C2orf74: variants seen among roughly 807,000 people sequenced by gnomAD.
C2orf74 encodes DPM1 ER membrane anchor 1, also known as uncharacterized protein C2orf74.
In C2orf74, 14 loss-of-function variants were observed where a neutral mutation model predicts 17.9. The ratio of observed to expected loss-of-function variants is 0.78; its 90% CI spans 0.52 to 1.22. C2orf74 has a LOEUF of 1.22. C2orf74 is among the 50% of genes most tolerant of loss of function. The pLI is 0.00. For synonymous variants in C2orf74, 79 were observed against 72.6 expected, an observed-to-expected ratio of 1.09 and a Z score of -0.44; for missense variants, 217 against 218.4, an observed-to-expected ratio of 0.99 and a Z score of 0.04.
At chr2:61,158,688 A>C (rs548454861), upstream of C2orf74, among the ~76,000 whole-genome samples, 46 of 152,252 alleles carry the variant, frequency 3.0e-4, no homozygotes, top group Admixed American at 1.1e-3. Context: ...GGAAGGCGGA[A>C]AATCAGGAAG....
In C2orf74 at chr2:61,164,388, C is replaced by T. The variant is rs1685665084; in HGVS notation, c.425C>T (p.Thr142Ile). The T allele has an allele frequency of 6.5e-7, 1 of 1,549,574 alleles. No individual in the cohort carries two copies. Among genetic ancestry groups the T allele is most frequent in the African/African-American group, 1.4e-5 (1 of 72,852 alleles). The change falls in exon 5 of 5, where the codon ACT becomes ATT. Residue 142 changes from threonine to isoleucine, a missense_variant. Physicochemically the swap from Thr to Ile is moderately conservative, Grantham distance 89. Coordinates refer to ENST00000432605, the MANE Select transcript of C2orf74 (RefSeq NM_001143959.4). ...DGLQKIHTSVTRTPSVVESQK... is the reference protein window; with the variant it reads ...DGLQKIHTSVIRTPSVVESQK... ...TTGCAGAAAATACACACATCTGTCA[C>T]TAGAACTCCTTCAGTTGTTGAAAGC... is the stretch of plus-strand genomic sequence containing the variant.
chr2:61,151,314 T>C (rs1460485485), intron 1 of C2orf74: 3 of 78,626 alleles, frequency 3.8e-5, no homozygotes, highest in African/African-American at 5.5e-5. Flanking sequence ...AGACTCCGTC[T>C]CAAAAAAAAA....
chr2:61,160,452 G>T (rs184688114), upstream of C2orf74, among the ~76,000 whole-genome samples: 1 of 150,298 alleles, frequency 6.7e-6, no homozygotes, highest in Non-Finnish European at 1.5e-5. Flanking sequence ...GAGCCACTGC[G>T]CCCAGCCCGG....
At chr2:61,148,123 A>G (rs1385522082) in intron 1 of C2orf74, among the ~76,000 whole-genome samples, 1 of 147,624 alleles carries the variant, frequency 6.8e-6, no homozygotes, top group Non-Finnish European at 1.5e-5. Context: ...TATATATTTA[A>G]ATATATGTAT....
chr2:61,163,105 T>G lies in C2orf74; in HGVS notation c.263T>G (p.Val88Gly). ...GTGCCGATGAGGCCTGGCATTCTTG[T>G]CCAGAGACAGAGTAAGGAAGTGTTG... Reference protein sequence around the residue: ...LNVPMRPGILVQRQSKEVLAT... With the variant: ...LNVPMRPGILGQRQSKEVLAT... Residue 88 changes from valine (V) to glycine (G), a missense_variant, in exon 4 of 5, where the codon GTC becomes GGC. Coordinates refer to ENST00000432605, the MANE Select transcript of C2orf74 (RefSeq NM_001143959.4). The G allele has an allele frequency of 3.9e-6, 6 of 1,552,142 alleles. No homozygotes were observed. The South Asian group carries it at 7.1e-5, about 18-fold the overall frequency.
intron 1 of C2orf74, among the ~76,000 whole-genome samples, chr2:61,146,513 C>G (rs1685073635): frequency 6.6e-6 from 1 of 152,082 alleles, no homozygotes; most frequent in African/African-American, 2.4e-5. Context: ...ACTACAATAA[C>G]TTTTTTTAAA....
Position 61,164,401 on chromosome 2 carries a change from A to G in C2orf74, c.438A>G (p.Ser146=). 4 of 1,550,584 alleles carry G rather than the reference A, an allele frequency of 2.6e-6. No homozygotes were observed. The South Asian group carries it at 4.8e-5, about 19-fold the overall frequency. Residue 146 remains serine, a synonymous_variant, in exon 5 of 5, where the codon TCA becomes TCG. Transcript: ENST00000432605. ...ACACATCTGTCACTAGAACTCCTTC[A>G]GTTGTTGAAAGCCAAAAAAGACCTT... The part of the protein sequence containing the change: ...KIHTSVTRTP[S]VVESQKRPLK...
intron 1 of C2orf74, among the ~76,000 whole-genome samples, chr2:61,146,747 T>G (rs1001902788): frequency 1.3e-5 from 2 of 151,888 alleles, no homozygotes; most frequent in African/African-American, 4.8e-5. Flanking sequence ...GGCAGGAGAA[T>G]TGAATCGCTT....
At chr2:61,162,148 G>A (rs1208730768), upstream of C2orf74, 12 of 224,440 alleles carry the variant, frequency 5.3e-5, no homozygotes, top group Admixed American at 5.7e-4. Context: ...TGTCACTGAC[G>A]AGAGAAGAAT....
At chr2:61,159,911 C>G (rs1685511236), upstream of C2orf74, among the ~76,000 whole-genome samples, 1 of 152,232 alleles carries the variant, frequency 6.6e-6, no homozygotes, top group African/African-American at 2.4e-5. Context: ...ACCATCACCA[C>G]TGTCTGCCTC....
rs1685680266 is a variant in C2orf74, at chr2:61,164,772, A to G, written c.*245A>G. 2 of 323,526 alleles carry G rather than the reference A, an allele frequency of 6.2e-6. No homozygotes were observed. The highest frequency in any genetic ancestry group is 4.8e-5 in the Admixed American group (1 of 20,934). 20.0% of individuals were successfully genotyped at this position (323,526 alleles called of 1,614,324 possible). Reference sequence around the variant, plus strand: ...AGAAATTGATTGTATTGCCCTTAAAACTATCTACTCAAACACTGTTCTGGC... The same window carrying G: ...AGAAATTGATTGTATTGCCCTTAAAGCTATCTACTCAAACACTGTTCTGGC... On this transcript the variant is annotated 3_prime_UTR_variant, in exon 5 of 5. Transcript: ENST00000432605.
chr2:61,160,337 T>A (rs1038114349), upstream of C2orf74, among the ~76,000 whole-genome samples: 1 of 152,064 alleles, frequency 6.6e-6, no homozygotes, highest in African/African-American at 2.4e-5. Context: ...ATTTTTGTAT[T>A]TTTAGTAGAG....
chr2:61,162,324 A>G lies in C2orf74; in HGVS notation c.-100+4A>G. 1.7e-6 allele frequency: 1 copy of G among 598,714 alleles called. No homozygotes were observed. The highest frequency in any genetic ancestry group is 2.1e-5 in the South Asian group (1 of 47,022). The allele number at this position is 598,714 out of a possible 1,614,324, so 37.1% of individuals were successfully genotyped here. A position where few individuals can be genotyped will look rare whatever the true frequency, so the allele number is the denominator to read the frequency against. On this transcript the variant is annotated splice_donor_region_variant and intron_variant, in intron 1 of 4. Transcript: ENST00000432605. ...TTATGGAGAGAAATTAGCCAGTGTG[A>G]GTCAACTCTGCAACAAGCAGAGCAT...
chr2:61,152,551 T>TA (rs1174172181), intron 1 of C2orf74, among the ~76,000 whole-genome samples: 12 of 119,492 alleles, frequency 1.0e-4, no homozygotes, highest in Admixed American at 2.6e-4. Context: ...AAAAAAAAAT[T>TA]AAAAAAAAAA....
rs76813030 is a variant in C2orf74 at position 61,163,893 on chromosome 2, A to G, written c.391-461A>G. Among the ~76,000 whole-genome samples, 1,141 of 152,106 alleles carry G rather than the reference A, an allele frequency of 7.5e-3. 14 individuals are homozygous for G. The highest frequency in any genetic ancestry group is 0.026 in the African/African-American group (1,071 of 41,400). ...GGGATCCAGCCCTCTCCTGTTTCCA[A>G]TGAGAAAACGAGATGAATTGTTTAC... On this transcript the variant is annotated intron_variant, in intron 4 of 4. Coordinates refer to ENST00000432605, the MANE Select transcript of C2orf74 (RefSeq NM_001143959.4).
At chr2:61,153,717 C>T (rs1685310089) in intron 1 of C2orf74, among the ~76,000 whole-genome samples, 1 of 149,462 alleles carries the variant, frequency 6.7e-6, no homozygotes, top group Admixed American at 6.6e-5. Context: ...GGTGAAACCC[C>T]GTCTCCACTA....
chr2:61,157,230 G>A (rs1160437560), upstream of C2orf74, among the ~76,000 whole-genome samples: 1 of 152,078 alleles, frequency 6.6e-6, no homozygotes, highest in East Asian at 1.9e-4. Flanking sequence ...TAGTAGAGAC[G>A]GGGTTTTACC....
intron 1 of C2orf74, among the ~76,000 whole-genome samples, chr2:61,153,946 A>T (rs556834128): frequency 6.8e-6 from 1 of 146,482 alleles, no homozygotes; most frequent in East Asian, 2.1e-4. Context: ...TTCAGATAAA[A>T]TTTAGTATTT....
chr2:61,163,779 A>G (rs150180969), intron 4 of C2orf74, among the ~76,000 whole-genome samples: 17 of 152,158 alleles, frequency 1.1e-4, no homozygotes, highest in African/African-American at 3.4e-4. Flanking sequence ...CTTAGTCTTC[A>G]TTCTTACATT....
Sources: gnomAD v4.1 joint callset for allele counts (sites outside exome capture counted in the v4.1 genomes callset) on GRCh38, gnomAD v4.1.1 for gene constraint, MANE v1.5 for transcripts, NCBI Gene and HGNC (gene_info 2026-07-23, HGNC 2026-07-21) for gene names.